KLF13: variants seen among roughly 807,000 people sequenced by gnomAD.
KLF13 encodes the protein Krueppel-like factor 13.
KLF13 carries 8 observed loss-of-function variants against 16.7 expected under a neutral mutation model. The ratio of observed to expected loss-of-function variants is 0.48; its 90% confidence interval spans 0.28 to 0.87. The LOEUF (loss-of-function observed/expected upper bound fraction) is 0.87, where lower values mean the gene tolerates loss of function less well. KLF13 is among the 40% of genes least tolerant of loss of function. KLF13 has a pLI of 0.10. For missense variants in KLF13, 447 were observed against 452.2 expected (o/e 0.99, Z 0.10); for synonymous variants, 245 against 208.4 (o/e 1.18, Z -1.51).
intron 2 of KLF13, among the ~76,000 whole-genome samples, chr15:31,402,123 A>G (rs947847594): frequency 4.6e-5 from 7 of 152,084 alleles, no homozygotes; most frequent in African/African-American, 1.7e-4. Flanking sequence ...CCAGGACACA[A>G]CCTCTGATCG....
intron 1 of KLF13, among the ~76,000 whole-genome samples, chr15:31,409,839 AT>A (rs2040170098): frequency 6.6e-6 from 1 of 152,214 alleles, no homozygotes; most frequent in South Asian, 2.1e-4. Context: ...AACTGAGAAA[AT>A]TTTCTACTAG....
downstream of KLF13, among the ~76,000 whole-genome samples, chr15:31,406,255 T>A (rs1383611247): frequency 6.6e-6 from 1 of 152,102 alleles, no homozygotes; most frequent in Non-Finnish European, 1.5e-5. Context: ...GGCAGGCGGA[T>A]CACCTGAGGT....
At chr15:31,366,729 C>CCTCACTGTGTGCCCCCCTGTA (rs2039478239) in intron 1 of KLF13, among the ~76,000 whole-genome samples, 1 of 150,170 alleles carries the variant, frequency 6.7e-6, no homozygotes, top group South Asian at 2.1e-4. Context: ...TGGCCCCTCA[C>CCTCACTGTGTGCCCCCCTGTA]CTCACTGTGT....
intron 2 of KLF13, among the ~76,000 whole-genome samples, chr15:31,397,874 CG>C (rs139315375): frequency 1.1e-4 from 10 of 90,420 alleles, no homozygotes; most frequent in African/African-American, 1.6e-4. Flanking sequence ...GGGGTGGCGG[CG>C]GGGGGGGTGG....
At chr15:31,328,552 C>T (rs902057848) in intron 1 of KLF13, among the ~76,000 whole-genome samples, 4 of 151,944 alleles carry the variant, frequency 2.6e-5, no homozygotes, top group Non-Finnish European at 4.4e-5. Context: ...CGCTGCCCAT[C>T]CTCCGTGCTG....
intron 1 of KLF13, among the ~76,000 whole-genome samples, chr15:31,368,092 T>A (rs1035634165): frequency 1.1e-4 from 17 of 148,202 alleles, no homozygotes; most frequent in African/African-American, 4.3e-4. Context: ...ACTTGGGAGC[T>A]CATCTCCAGA....
At position 31,327,308 on chromosome 15, in the gene KLF13, G is replaced by A. The variant is rs2038728428; in HGVS notation, c.96G>A (p.Glu32=). Residue 32 remains glutamate (E), a synonymous_variant, in exon 1 of 2, where the codon GAG becomes GAA. Transcript: ENST00000307145. ...TGCACGGGCCGCGGGAGGGGCCGGA[G>A]TCCCGGCCCGAGGGCGCGGCCGTGG... is the stretch of plus-strand genomic sequence containing the variant. ...AVVHGPREGP[E]SRPEGAAVAA... is the part of the protein sequence containing the mutation. 7.7e-7 allele frequency: 1 copy of A among 1,291,882 alleles called. No individual in the cohort carries two copies. The allele number at this position is 1,291,882 out of a possible 1,614,324, so 80.0% of individuals were successfully genotyped here.
At chr15:31,349,118 C>T (rs530715463) in intron 1 of KLF13, among the ~76,000 whole-genome samples, 2 of 152,284 alleles carry the variant, frequency 1.3e-5, no homozygotes, top group African/African-American at 2.4e-5. Context: ...TGCCTAACCA[C>T]GGAAGGCAGA....
rs958657268 is a variant in KLF13 at position 31,422,141 on chromosome 15, A to C, written n.118-13229A>C. ...AAAACAAACAAACAAACAAAAAAAA[A>C]AAAAAAAGAAAAAAGAAATAGAGTG... On this transcript the variant is annotated intron_variant and non_coding_transcript_variant, in intron 1 of 1. Coordinates refer to the KLF13 transcript ENST00000558225. 2.9e-4 allele frequency among the ~76,000 whole-genome samples: 44 copies of C among 152,094 alleles called. 1 individual carries two copies. Among genetic ancestry groups the C allele is most frequent in the African/African-American group, 9.2e-4 (38 of 41,514 alleles).
downstream of KLF13, among the ~76,000 whole-genome samples, chr15:31,405,757 G>A (rs943853789): frequency 5.3e-5 from 8 of 152,092 alleles, no homozygotes; most frequent in South Asian, 2.1e-4. Context: ...AACAGACCCC[G>A]GAACCACAAA....
chr15:31,419,968 G>A (rs988517428), intron 1 of KLF13, among the ~76,000 whole-genome samples: 21 of 152,234 alleles, frequency 1.4e-4, no homozygotes, highest in African/African-American at 4.8e-4. Flanking sequence ...GTACAAGGGA[G>A]CTACTGTAAG....
chr15:31,388,324 CAGAA>C (rs757242452), upstream of KLF13, among the ~76,000 whole-genome samples: 5 of 152,000 alleles, frequency 3.3e-5, no homozygotes, highest in Admixed American at 6.6e-5. Flanking sequence ...AAAAATGAAA[CAGAA>C]AGGCTGGGTG....
exon 3 of KLF13, chr15:31,404,704 C>T (rs532593874): frequency 2.0e-5 from 3 of 152,396 alleles, no homozygotes; most frequent in Admixed American, 6.5e-5. Context: ...TTATTTTGCT[C>T]TTGGCAATAA....
At chr15:31,370,637 T>C (rs1220159441) in intron 1 of KLF13, among the ~76,000 whole-genome samples, 1 of 152,114 alleles carries the variant, frequency 6.6e-6, no homozygotes, top group Non-Finnish European at 1.5e-5. Flanking sequence ...CAGGCTGGTC[T>C]CAAACCCCTG....
At chr15:31,370,458 G>A (rs972633370) in intron 1 of KLF13, among the ~76,000 whole-genome samples, 1 of 147,736 alleles carries the variant, frequency 6.8e-6, no homozygotes, top group African/African-American at 2.5e-5. Context: ...TTGCTCTCTT[G>A]CCCAGGCTGG....
intron 1 of KLF13, among the ~76,000 whole-genome samples, chr15:31,421,903 C>A (rs1225636387): frequency 6.6e-6 from 1 of 152,112 alleles, no homozygotes; most frequent in African/African-American, 2.4e-5. Flanking sequence ...CACCTGAGGT[C>A]AGGAGTTCGA....
At chr15:31,420,691 C>CT in intron 1 of KLF13, 1 of 312,172 alleles carries the variant, frequency 3.2e-6, no homozygotes, top group Non-Finnish European at 6.1e-6. Context: ...CTTTTTTTTT[C>CT]TTTCTTTTTT....
intron 1 of KLF13, among the ~76,000 whole-genome samples, chr15:31,416,258 C>G (rs2040256909): frequency 6.6e-6 from 1 of 152,048 alleles, no homozygotes; most frequent in Admixed American, 6.6e-5. Flanking sequence ...ATGCTAATAT[C>G]TCACATTAAA....
intron 1 of KLF13, among the ~76,000 whole-genome samples, chr15:31,342,771 A>G (rs1055297042): frequency 5.9e-5 from 9 of 152,176 alleles, no homozygotes; most frequent in African/African-American, 2.2e-4. Flanking sequence ...ATTGTTTCCT[A>G]AAGGGAAGCA....
Sources: gnomAD v4.1 joint callset for allele counts (sites outside exome capture counted in the v4.1 genomes callset) on GRCh38, gnomAD v4.1.1 for gene constraint, MANE v1.5 for transcripts, NCBI Gene and HGNC (gene_info 2026-07-23, HGNC 2026-07-21) for gene names.